Variants in TRPM3 observed in about 807,000 individuals in gnomAD.
TRPM3 encodes the protein long transient receptor potential channel 3.
In TRPM3, 77 loss-of-function variants were observed where a neutral mutation model predicts 181.2. The observed-to-expected ratio is 0.42, with a 90% confidence interval of 0.35 to 0.51. The LOEUF (loss-of-function observed/expected upper bound fraction) is 0.51, where lower values mean the gene tolerates loss of function less well. Among genes scored for constraint, TRPM3 ranks in the 20% least tolerant of loss-of-function variants. The pLI, the probability that TRPM3 is intolerant of heterozygous loss-of-function variation, is 0.01. For synonymous variants in TRPM3, 745 were observed against 796.4 expected (o/e 0.94, Z 1.09); for missense variants, 1,759 against 2,196.7 (o/e 0.80, Z 3.98).
chr9:70,896,169 T>C (rs1351815968), intron 1 of TRPM3, among the ~76,000 whole-genome samples: 2 of 151,866 alleles, frequency 1.3e-5, no homozygotes, highest in African/African-American at 4.8e-5. Context: ...TAAAAATGTG[T>C]TTGTTTGTTT....
chr9:71,270,960 C>G (rs1037690643), intron 1 of TRPM3, among the ~76,000 whole-genome samples: 3 of 152,180 alleles, frequency 2.0e-5, no homozygotes, highest in Admixed American at 6.6e-5. Context: ...GAAGCAGATT[C>G]TCCAGCCCAG....
At chr9:71,134,183 A>G (rs887704030) in intron 1 of TRPM3, among the ~76,000 whole-genome samples, 6 of 152,190 alleles carry the variant, frequency 3.9e-5, no homozygotes, top group African/African-American at 1.4e-4. Context: ...TTAAGTAGCA[A>G]TTGTGAATAC....
intron 1 of TRPM3, among the ~76,000 whole-genome samples, chr9:71,032,001 T>TTA (rs1554806676): frequency 0.87 from 45,852 of 52,704 alleles, 19,678 homozygotes; most frequent in East Asian, 0.99. Context: ...ATATATATAA[T>TTA]TATATAATAT....
At chr9:71,170,427 G>A (rs1187794802) in intron 1 of TRPM3, among the ~76,000 whole-genome samples, 1 of 152,146 alleles carries the variant, frequency 6.6e-6, no homozygotes, top group Non-Finnish European at 1.5e-5. Context: ...TTTCATCAAG[G>A]TATGAATTTT....
At chr9:71,078,447 C>T (rs1220030610) in intron 1 of TRPM3, among the ~76,000 whole-genome samples, 3 of 152,080 alleles carry the variant, frequency 2.0e-5, no homozygotes, top group African/African-American at 7.2e-5. Context: ...TGGGAGAAAG[C>T]ATTTGGAATT....
At chr9:70,738,491 G>A (rs952841936) in intron 8 of TRPM3, among the ~76,000 whole-genome samples, 3 of 152,164 alleles carry the variant, frequency 2.0e-5, no homozygotes, top group Admixed American at 1.3e-4. Flanking sequence ...AGCAAAGGCA[G>A]TGCTAAGAAG....
chr9:70,602,683 C>T (rs1314866292), intron 20 of TRPM3, among the ~76,000 whole-genome samples: 1 of 152,184 alleles, frequency 6.6e-6, no homozygotes, highest in Non-Finnish European at 1.5e-5. Context: ...TTTAGCAGCT[C>T]TGAATCTGAT....
At chr9:71,373,102 T>A (rs1452503242) in intron 1 of TRPM3, among the ~76,000 whole-genome samples, 3 of 151,504 alleles carry the variant, frequency 2.0e-5, no homozygotes, top group Admixed American at 6.6e-5. Flanking sequence ...TGTACCAGAG[T>A]CTCCGGGATG....
intron 1 of TRPM3, among the ~76,000 whole-genome samples, chr9:71,272,291 A>G (rs1046802235): frequency 3.3e-5 from 5 of 152,226 alleles, no homozygotes; most frequent in African/African-American, 1.2e-4. Flanking sequence ...CACATAGGTC[A>G]ATTTTAAACA....
chr9:71,052,342 C>T (rs1257843918), intron 1 of TRPM3, among the ~76,000 whole-genome samples: 3 of 152,112 alleles, frequency 2.0e-5, no homozygotes, highest in Admixed American at 6.6e-5. Context: ...TGAAAACCCA[C>T]GAAGGAAGAA....
chr9:71,181,788 G>A (rs912514117), intron 1 of TRPM3, among the ~76,000 whole-genome samples: 1 of 152,108 alleles, frequency 6.6e-6, no homozygotes, highest in Non-Finnish European at 1.5e-5. Context: ...ACTAACAGGT[G>A]AACAATCCTT....
intron 22 of TRPM3, among the ~76,000 whole-genome samples, chr9:70,553,777 C>G (rs1464917798): frequency 6.6e-6 from 1 of 152,226 alleles, no homozygotes; most frequent in Non-Finnish European, 1.5e-5. Flanking sequence ...GAATTAACAA[C>G]AGGGCAGCTG....
intron 7 of TRPM3, among the ~76,000 whole-genome samples, chr9:70,779,943 A>G (rs1457524184): frequency 6.6e-6 from 1 of 152,200 alleles, no homozygotes; most frequent in African/African-American, 2.4e-5. Flanking sequence ...GAGCAGAGAT[A>G]GGGAGAAAGA....
intron 1 of TRPM3, among the ~76,000 whole-genome samples, chr9:71,077,948 T>G (rs1020486657): frequency 2.6e-4 from 39 of 149,896 alleles, no homozygotes; most frequent in African/African-American, 4.9e-5. Context: ...GTTTTTCAAA[T>G]GGTAGCCAAC....
At chr9:71,236,161 T>C (rs1165111748) in intron 1 of TRPM3, among the ~76,000 whole-genome samples, 1 of 152,176 alleles carries the variant, frequency 6.6e-6, no homozygotes, top group African/African-American at 2.4e-5. Flanking sequence ...AAATGTGTTG[T>C]CTATTGTGTG....
At chr9:70,956,886 C>G (rs751779272) in intron 1 of TRPM3, among the ~76,000 whole-genome samples, 1 of 150,998 alleles carries the variant, frequency 6.6e-6, no homozygotes, top group Non-Finnish European at 1.5e-5. Flanking sequence ...ACCATATCTC[C>G]CCTGCCAAAA....
intron 22 of TRPM3, among the ~76,000 whole-genome samples, chr9:70,561,054 G>T (rs925922169): frequency 3.9e-5 from 6 of 152,156 alleles, no homozygotes; most frequent in African/African-American, 1.4e-4. Context: ...CTTGAAGAAT[G>T]CCCCTTCCTC....
intron 1 of TRPM3, among the ~76,000 whole-genome samples, chr9:70,880,316 T>A (rs1197945740): frequency 1.3e-5 from 2 of 152,126 alleles, no homozygotes; most frequent in Non-Finnish European, 2.9e-5. Flanking sequence ...TCACATGTTA[T>A]ACCTTCCCTT....
At chr9:70,889,403 G>A (rs2096154925) in intron 1 of TRPM3, among the ~76,000 whole-genome samples, 1 of 152,120 alleles carries the variant, frequency 6.6e-6, no homozygotes, top group South Asian at 2.1e-4. Flanking sequence ...ACACATTGAT[G>A]GGCGAGGTCC....
Sources: allele counts gnomAD v4.1 joint callset (sites outside exome capture counted in the v4.1 genomes callset), GRCh38; gene constraint gnomAD v4.1.1; transcripts MANE v1.5; gene names NCBI Gene and HGNC (gene_info 2026-07-23, HGNC 2026-07-21).